Variants in AGBL4 observed in about 807,000 individuals in gnomAD.
AGBL4 encodes cytosolic carboxypeptidase 6.
A neutral mutation model predicts 66.4 loss-of-function variants in AGBL4; 58 were observed. The observed-to-expected ratio is 0.87, with a 90% CI of 0.71 to 1.09. AGBL4 has a LOEUF of 1.09. Among genes scored for constraint, AGBL4 ranks in the 50% least tolerant of loss-of-function variants. The pLI is 0.00. For synonymous variants in AGBL4, 234 were observed against 222.9 expected, an observed-to-expected ratio of 1.05 and a Z score of -0.44; for missense variants, 579 against 631.0, an observed-to-expected ratio of 0.92 and a Z score of 0.88.
intron 3 of AGBL4, among the ~76,000 whole-genome samples, chr1:49,487,145 A>G (rs537726542): frequency 1.3e-5 from 2 of 152,004 alleles, no homozygotes; most frequent in Non-Finnish European, 2.9e-5. Flanking sequence ...TAGTATTATT[A>G]TGCTATGCTC....
rs114812892 is a variant in AGBL4, at chr1:48,665,741, C to T, written c.635-2500G>A. On this transcript the variant is annotated intron_variant, in intron 6 of 13. Coordinates refer to ENST00000371839, the MANE Select transcript of AGBL4 (RefSeq NM_032785.4). ...TATCTTATTGTGATGGAAACTGAGC[C>T]GCTGTCTTAGTATTTATATTGCTTT... Among the ~76,000 whole-genome samples, 677 of 151,482 alleles carry T rather than the reference C, an allele frequency of 4.5e-3. 4 individuals carry two copies. Among genetic ancestry groups the T allele is most frequent in the African/African-American group, 0.015 (620 of 41,140 alleles).
rs1645230785 is a variant in AGBL4, at chr1:49,102,981, A to G, written c.378-57181T>C. 3.3e-5 allele frequency among the ~76,000 whole-genome samples: 5 copies of G among 152,254 alleles called. No individual in the cohort carries two copies. In the South Asian group the frequency reaches 1.0e-3, roughly 32 times the overall value. ...CCACTGACTCATGATTCAGATTCCT[A>G]TTCTGTTATGAGGCATCTGTGGTTA... On this transcript the variant is annotated intron_variant, in intron 4 of 13. Transcript: ENST00000371839.
At chr1:49,499,590 C>T (rs949672256) in intron 3 of AGBL4, among the ~76,000 whole-genome samples, 4 of 151,656 alleles carry the variant, frequency 2.6e-5, no homozygotes, top group Non-Finnish European at 5.9e-5. Context: ...TTAGTTCCCA[C>T]TTATAAGTGA....
At chr1:48,875,336 C>T (rs879564930) in intron 5 of AGBL4, among the ~76,000 whole-genome samples, 3 of 152,108 alleles carry the variant, frequency 2.0e-5, no homozygotes, top group Non-Finnish European at 4.4e-5. Flanking sequence ...TGAACAGTGG[C>T]TGAGGCTCAC....
At chr1:49,983,504 C>G (rs1207629167) in intron 1 of AGBL4, among the ~76,000 whole-genome samples, 1 of 152,200 alleles carries the variant, frequency 6.6e-6, no homozygotes, top group African/African-American at 2.4e-5. Context: ...GGATCCAGGC[C>G]AGTAGCACAA....
chr1:49,933,886 T>C (rs566722206), intron 1 of AGBL4, among the ~76,000 whole-genome samples: 1 of 152,142 alleles, frequency 6.6e-6, no homozygotes, highest in East Asian at 1.9e-4. Flanking sequence ...CAGGACACAA[T>C]TAAAATAGTA....
intron 2 of AGBL4, among the ~76,000 whole-genome samples, chr1:49,752,135 C>T (rs886427408): frequency 2.0e-5 from 3 of 152,002 alleles, no homozygotes; most frequent in Non-Finnish European, 4.4e-5. Context: ...TTTGTTTGCT[C>T]TTGATTCTCT....
intron 3 of AGBL4, among the ~76,000 whole-genome samples, chr1:49,642,402 C>A (rs1240414877): frequency 6.6e-6 from 1 of 151,922 alleles, no homozygotes; most frequent in African/African-American, 2.4e-5. Flanking sequence ...GGAGAAGAAA[C>A]CCAGGAAGAT....
At chr1:48,821,020 C>A (rs1019371316) in intron 6 of AGBL4, among the ~76,000 whole-genome samples, 2 of 152,134 alleles carry the variant, frequency 1.3e-5, no homozygotes, top group Non-Finnish European at 2.9e-5. Flanking sequence ...CATCACTAAT[C>A]ATCAGAGAAA....
intron 6 of AGBL4, among the ~76,000 whole-genome samples, chr1:48,690,787 T>C (rs1646617508): frequency 6.6e-6 from 1 of 152,168 alleles, no homozygotes; most frequent in African/African-American, 2.4e-5. Context: ...AATACACATG[T>C]CACAAAATGT....
chr1:48,776,730 G>T (rs1324548000), intron 6 of AGBL4: 9 of 1,528,344 alleles, frequency 5.9e-6, no homozygotes, highest in Non-Finnish European at 7.0e-6. Context: ...ACACCTTCTG[G>T]TTGTCAAAAT....
At chr1:49,047,409 C>T (rs1644106383) in intron 4 of AGBL4, among the ~76,000 whole-genome samples, 2 of 152,018 alleles carry the variant, frequency 1.3e-5, no homozygotes, top group Non-Finnish European at 2.9e-5. Flanking sequence ...TTTGGCCCAC[C>T]AATAGAGTCC....
chr1:48,943,284 A>G (rs536478831), intron 5 of AGBL4, among the ~76,000 whole-genome samples: 1 of 152,298 alleles, frequency 6.6e-6, no homozygotes, highest in South Asian at 2.1e-4. Flanking sequence ...CAAATAGATT[A>G]ATAAAAAATG....
At chr1:49,142,734 A>G (rs1287437616) in intron 4 of AGBL4, among the ~76,000 whole-genome samples, 1 of 152,150 alleles carries the variant, frequency 6.6e-6, no homozygotes, top group Non-Finnish European at 1.5e-5. Flanking sequence ...AGGAATATCA[A>G]AATATCATTG....
intron 1 of AGBL4, among the ~76,000 whole-genome samples, chr1:49,874,075 T>C (rs536645276): frequency 6.6e-6 from 1 of 152,242 alleles, no homozygotes; most frequent in South Asian, 2.1e-4. Context: ...TACATCCATA[T>C]GCAGCTCCAA....
At chr1:49,413,641 G>A (rs976387099) in intron 3 of AGBL4, among the ~76,000 whole-genome samples, 26 of 152,154 alleles carry the variant, frequency 1.7e-4, no homozygotes, top group African/African-American at 4.6e-4. Flanking sequence ...GTCTTTCACT[G>A]GATCTGGCCA....
intron 1 of AGBL4, among the ~76,000 whole-genome samples, chr1:49,887,339 G>GT (rs949908978): frequency 6.6e-6 from 1 of 151,032 alleles, no homozygotes; most frequent in Non-Finnish European, 1.5e-5. Context: ...AATCCAGATA[G>GT]TTTTTTTTAG....
chr1:48,754,096 C>A (rs908595600), intron 6 of AGBL4, among the ~76,000 whole-genome samples: 1 of 152,136 alleles, frequency 6.6e-6, no homozygotes, highest in Non-Finnish European at 1.5e-5. Context: ...CCGAGTCACA[C>A]CACAATGAAT....
At chr1:49,997,378 T>C (rs1281733934) in intron 1 of AGBL4, among the ~76,000 whole-genome samples, 1 of 152,080 alleles carries the variant, frequency 6.6e-6, no homozygotes, top group Non-Finnish European at 1.5e-5. Context: ...TCCTTGCAAA[T>C]GGACACCAAA....
Sources: gnomAD v4.1 joint callset for allele counts (sites outside exome capture counted in the v4.1 genomes callset) on GRCh38, gnomAD v4.1.1 for gene constraint, MANE v1.5 for transcripts, NCBI Gene and HGNC (gene_info 2026-07-23, HGNC 2026-07-21) for gene names.